The following CNST variants were observed in gnomAD, a reference collection of about 807,000 sequenced individuals.
The protein encoded by CNST is consortin.
CNST carries 39 observed loss-of-function variants against 72.4 expected under a neutral mutation model. That is an observed-to-expected ratio of 0.54 (90% CI 0.42 to 0.70). The LOEUF is 0.70. Among genes scored for constraint, CNST ranks in the 30% least tolerant of loss-of-function variants. The pLI, the probability that CNST is intolerant of heterozygous loss-of-function variation, is 0.00. For missense variants in CNST, 871 were observed against 868.5 expected (o/e 1.00, Z -0.04); for synonymous variants, 332 against 320.1 (o/e 1.04, Z -0.40).
rs1666164980 is a variant in CNST, at chr1:246,647,386, G to A, written c.1185G>A (p.Glu395=). 6.2e-7 allele frequency: 1 copy of A among 1,614,174 alleles called. No homozygotes were observed. Among genetic ancestry groups the A allele is most frequent in the Non-Finnish European group, 8.5e-7 (1 of 1,180,040 alleles). ...SGPDSSEDAC[E]DDSRLQLAQT... ...CAGACTCTTCTGAGGATGCTTGTGA[G>A]GATGACAGTCGCTTGCAGCTGGCTC... The change falls in exon 9 of 11, where the codon GAG becomes GAA. Residue 395 remains glutamate (E), a synonymous_variant. Coordinates refer to ENST00000366513, the MANE Select transcript of CNST (RefSeq NM_152609.3).
intron 2 of CNST, chr1:246,606,269 C>A (rs1300554543): frequency 1.3e-5 from 2 of 151,986 alleles, no homozygotes; most frequent in African/African-American, 4.8e-5. Flanking sequence ...ATGAAGATTA[C>A]TGTCCCTACC....
At chr1:246,573,589 G>C (rs750826151) in intron 1 of CNST, among the ~76,000 whole-genome samples, 1 of 151,970 alleles carries the variant, frequency 6.6e-6, no homozygotes, top group Non-Finnish European at 1.5e-5. Flanking sequence ...GAAAACCTAG[G>C]GATTGCCCGG....
chr1:246,636,642 G>A (rs138553569), intron 6 of CNST, among the ~76,000 whole-genome samples: 39 of 152,152 alleles, frequency 2.6e-4, no homozygotes, highest in African/African-American at 8.0e-4. Context: ...TTCTGTCTTC[G>A]AGCACTTGAG....
intron 2 of CNST, chr1:246,606,359 G>C (rs986812463): frequency 2.0e-5 from 3 of 151,944 alleles, no homozygotes; most frequent in African/African-American, 7.2e-5. Context: ...GTTTGGACTG[G>C]TACACGGGCT....
intron 1 of CNST, among the ~76,000 whole-genome samples, chr1:246,573,765 C>T (rs1164979973): frequency 6.6e-6 from 1 of 152,238 alleles, no homozygotes; most frequent in African/African-American, 2.4e-5. Context: ...GTAACTAAAG[C>T]TTCCATGTAC....
chr1:246,578,108 G>A (rs951402440), intron 1 of CNST, among the ~76,000 whole-genome samples: 2 of 151,978 alleles, frequency 1.3e-5, no homozygotes, highest in Admixed American at 6.5e-5. Flanking sequence ...ATTAAACACC[G>A]TTCATATGCC....
intron 1 of CNST, among the ~76,000 whole-genome samples, chr1:246,585,962 C>T (rs548183676): frequency 1.3e-5 from 2 of 151,748 alleles, no homozygotes; most frequent in African/African-American, 4.8e-5. Flanking sequence ...CACCTGTAGT[C>T]CCAGCTATTT....
chr1:246,659,426 C>G, intron 9 of CNST, among the ~76,000 whole-genome samples: 2 of 152,132 alleles, frequency 1.3e-5, no homozygotes, highest in Admixed American at 1.3e-4. Context: ...AACCCCGTCT[C>G]TACTGAAAAT....
At chr1:246,664,183 T>C (rs540805699) in intron 10 of CNST, among the ~76,000 whole-genome samples, 104 of 152,348 alleles carry the variant, frequency 6.8e-4, no homozygotes, top group Admixed American at 1.8e-3. Flanking sequence ...ATTATATAAA[T>C]GTCCCATAAT....
rs747589090 is a variant in CNST, at chr1:246,647,071, C to T, written c.938-68C>T. The T allele has an allele frequency of 8.1e-6, 11 of 1,363,378 alleles. No individual in the cohort carries two copies. In the East Asian group the frequency reaches 1.4e-4, roughly 17 times the overall value. 84.5% of individuals were successfully genotyped at this position (1,363,378 alleles called of 1,614,324 possible). A position where few individuals can be genotyped will look rare whatever the true frequency, so the allele number is the denominator to read the frequency against. On this transcript the variant is annotated intron_variant, in intron 8 of 10. Coordinates refer to ENST00000366513, the MANE Select transcript of CNST (RefSeq NM_152609.3). The stretch of plus-strand genomic sequence containing the variant: ...TGCTGTATTACACATATTCATATGT[C>T]CCTTCTTTTCCTTCCTATACAAAGT...
rs764865682 is a variant in CNST at position 246,647,933 on chromosome 1, G to T, written c.1732G>T (p.Asp578Tyr). The T allele has an allele frequency of 3.7e-6, 6 of 1,613,620 alleles. No individual in the cohort carries two copies. In the South Asian group the frequency reaches 4.4e-5, roughly 12 times the overall value. The change falls in exon 9 of 11, where the codon GAT becomes TAT. Residue 578 changes from aspartate to tyrosine, a missense_variant. By Grantham distance (160) the Asp-to-Tyr change is radical. Transcript: ENST00000366513. Reference protein sequence around the residue: ...NQDDDSDLLQDLSPEEASYSL... With the variant: ...NQDDDSDLLQYLSPEEASYSL... ...AGACGACGACTCCGATCTCCTTCAAGATCTCTCTCCTGAAGAAGCATCCTA... is the reference window on the plus strand; with the variant it reads ...AGACGACGACTCCGATCTCCTTCAATATCTCTCTCCTGAAGAAGCATCCTA...
intron 8 of CNST, among the ~76,000 whole-genome samples, chr1:246,643,942 G>T (rs1665879370): frequency 6.6e-6 from 1 of 152,100 alleles, no homozygotes; most frequent in Admixed American, 6.6e-5. Flanking sequence ...TGTACCCACA[G>T]ATAGTCTTTA....
At chr1:246,589,419 C>T (rs1417370487) in intron 1 of CNST, among the ~76,000 whole-genome samples, 1 of 151,972 alleles carries the variant, frequency 6.6e-6, no homozygotes, top group Non-Finnish European at 1.5e-5. Context: ...CCAGCTTCAT[C>T]CATGTCCCTA....
chr1:246,566,824 C>T (rs1659725515), intron 1 of CNST, 161 bp downstream of exon 1: 2 of 397,070 alleles, frequency 5.0e-6, no homozygotes, highest in East Asian at 3.6e-5. Context: ...CCTCCTCCGC[C>T]TCTCAGGTCG....
rs192839289 is a variant in CNST, at chr1:246,580,985, C to A, written c.-51-10527C>A. Among the ~76,000 whole-genome samples the A allele has an allele frequency of 9.7e-4, 148 of 152,292 alleles. 1 individual carries two copies. The highest frequency in any genetic ancestry group is 3.3e-3 in the African/African-American group (138 of 41,556). ...AGCTCCTGACCTCAAGTGATCCCCC[C>A]ACCTTGGCTTCCCAAAGTGCTGGGA... On this transcript the variant is annotated intron_variant, in intron 1 of 10. Transcript: ENST00000366513.
chr1:246,606,328 G>A (rs1662810322), intron 2 of CNST: 2 of 152,012 alleles, frequency 1.3e-5, no homozygotes, highest in Admixed American at 6.6e-5. Flanking sequence ...TAGAAGGTTT[G>A]TTGGGTCCCA....
chr1:246,606,991 G>A (rs1662891125), intron 2 of CNST: 1 of 151,454 alleles, frequency 6.6e-6, no homozygotes, highest in Non-Finnish European at 1.5e-5. Flanking sequence ...TGTTTGTACA[G>A]TTCCAGGCCT....
At chr1:246,606,153 G>A (rs1246700360) in intron 2 of CNST, 1 of 152,342 alleles carries the variant, frequency 6.6e-6, no homozygotes, top group African/African-American at 2.4e-5. Context: ...GTTGTAGCAG[G>A]AGCATCGTCT....
intron 1 of CNST, among the ~76,000 whole-genome samples, chr1:246,585,616 A>G (rs1661090379): frequency 6.9e-6 from 1 of 144,286 alleles, no homozygotes; most frequent in Non-Finnish European, 1.5e-5. Context: ...ACTGCCTTCC[A>G]GCCTGGGCAA....
Sources: gnomAD v4.1 joint callset for allele counts (sites outside exome capture counted in the v4.1 genomes callset) on GRCh38, gnomAD v4.1.1 for gene constraint, MANE v1.5 for transcripts, NCBI Gene and HGNC (gene_info 2026-07-23, HGNC 2026-07-21) for gene names.